Variants in LRRIQ1 observed in about 807,000 individuals in gnomAD.
LRRIQ1 encodes leucine rich repeats and IQ motif containing 1, also known as leucine-rich repeat- and IQ domain-containing protein 1.
In LRRIQ1, 210 loss-of-function variants were observed where a neutral mutation model predicts 211.9. The ratio of observed to expected loss-of-function variants is 0.99; its 90% CI spans 0.89 to 1.11. The LOEUF (loss-of-function observed/expected upper bound fraction) is 1.11, where lower values mean the gene tolerates loss of function less well. LRRIQ1 is among the 50% of genes most tolerant of loss of function. The pLI is 0.00. For synonymous variants in LRRIQ1, 699 were observed against 650.1 expected, an observed-to-expected ratio of 1.08 and a Z score of -1.14; for missense variants, 2,136 against 1,939.5, an observed-to-expected ratio of 1.10 and a Z score of -1.90.
chr12:85,082,370 TA>T (rs1319863304), intron 11 of LRRIQ1, among the ~76,000 whole-genome samples: 1 of 152,226 alleles, frequency 6.6e-6, no homozygotes, highest in Non-Finnish European at 1.5e-5. Context: ...TTGATGTGTC[TA>T]GGCAGGGATT....
chr12:85,109,680 C>T (rs1887030242), intron 15 of LRRIQ1, among the ~76,000 whole-genome samples: 1 of 152,134 alleles, frequency 6.6e-6, no homozygotes, highest in Non-Finnish European at 1.5e-5. Flanking sequence ...TCCAAGCCTA[C>T]TGAATCAGAA....
chr12:85,213,044 A>T (rs1222505131), intron 24 of LRRIQ1, among the ~76,000 whole-genome samples: 1 of 151,712 alleles, frequency 6.6e-6, no homozygotes, highest in Admixed American at 6.6e-5. Context: ...TAAATGATTA[A>T]ATAGCCCAGG....
At chr12:85,150,244 A>T (rs2136653968) in intron 19 of LRRIQ1, among the ~76,000 whole-genome samples, 1 of 151,898 alleles carries the variant, frequency 6.6e-6, no homozygotes, top group African/African-American at 2.4e-5. Context: ...ACATTTTCTC[A>T]TCAATTTAGC....
chr12:85,162,889 TG>T (rs1466510531), intron 24 of LRRIQ1: 1 of 417,862 alleles, frequency 2.4e-6, no homozygotes, highest in Non-Finnish European at 4.7e-6. Flanking sequence ...TGTTGTTGTT[TG>T]TTTAGGAATA....
At chr12:85,261,498 A>AT (rs1178123286) in intron 1 of LRRIQ1, among the ~76,000 whole-genome samples, 1 of 151,896 alleles carries the variant, frequency 6.6e-6, no homozygotes, top group Non-Finnish European at 1.5e-5. Flanking sequence ...TTGAATTTAT[A>AT]TTTTTTAAAT....
chr12:85,259,728 A>G (rs1411640749), intron 1 of LRRIQ1, among the ~76,000 whole-genome samples: 1 of 152,148 alleles, frequency 6.6e-6, no homozygotes, highest in African/African-American at 2.4e-5. Context: ...ACTGCTATAA[A>G]GCTGTCTTGT....
intron 8 of LRRIQ1, among the ~76,000 whole-genome samples, chr12:85,063,323 AT>A (rs1346631676): frequency 6.6e-6 from 1 of 151,690 alleles, no homozygotes; most frequent in Non-Finnish European, 1.5e-5. Context: ...TTTAAGATAG[AT>A]GAAAGACTTA....
At chr12:85,212,807 G>A (rs1340181939) in intron 24 of LRRIQ1, among the ~76,000 whole-genome samples, 2 of 150,012 alleles carry the variant, frequency 1.3e-5, no homozygotes, top group African/African-American at 4.9e-5. Flanking sequence ...GAGAAAGAGA[G>A]AGAGAAAGAG....
At position 85,106,527 on chromosome 12, in the gene LRRIQ1, A is replaced by C; in HGVS notation, c.3289A>C (p.Lys1097Gln). 6.2e-7 allele frequency: 1 copy of C among 1,602,690 alleles called. No homozygotes were observed. The highest frequency in any genetic ancestry group is 8.5e-7 in the Non-Finnish European group (1 of 1,171,688). The change falls in exon 15 of 27, where the codon AAA becomes CAA. Residue 1097 changes from lysine (K) to glutamine (Q), a missense_variant. Transcript: ENST00000393217. ...AATGATTTTATTTTCTGTAGATCTT[A>C]AAAGTGCCATAAAATGGTTTGATGC... ...DVSHNCLSDLKSAIKWFDACY... is the reference protein window; with the variant it reads ...DVSHNCLSDLQSAIKWFDACY...
intron 24 of LRRIQ1, among the ~76,000 whole-genome samples, chr12:85,194,785 A>C (rs990834279): frequency 6.6e-6 from 1 of 152,164 alleles, no homozygotes; most frequent in African/African-American, 2.4e-5. Context: ...GAGCAAACAC[A>C]TTCAAAAGCT....
intron 15 of LRRIQ1, among the ~76,000 whole-genome samples, chr12:85,111,420 C>G (rs1887165965): frequency 6.6e-6 from 1 of 152,058 alleles, no homozygotes; most frequent in Admixed American, 6.6e-5. Flanking sequence ...GTCATCACTT[C>G]ACTCATATTC....
At chr12:85,082,269 A>C (rs1884377878) in intron 11 of LRRIQ1, among the ~76,000 whole-genome samples, 1 of 152,164 alleles carries the variant, frequency 6.6e-6, no homozygotes, top group Non-Finnish European at 1.5e-5. Flanking sequence ...AATGCAGTTA[A>C]GAATGCTATC....
chr12:85,153,613 CTG>C (rs1408084640), intron 21 of LRRIQ1, 48 bp from the exon 22 acceptor site: 2 of 1,136,636 alleles, frequency 1.8e-6, no homozygotes, highest in South Asian at 1.5e-5. Flanking sequence ...TTAAAAAGTG[CTG>C]ATATACTTGT....
At chr12:85,192,986 T>TATATA (rs1277308184) in intron 24 of LRRIQ1, among the ~76,000 whole-genome samples, 1 of 71,448 alleles carries the variant, frequency 1.4e-5, no homozygotes, top group South Asian at 3.6e-4. Flanking sequence ...AATATATAAT[T>TATATA]ATATAATATA....
At chr12:85,239,387 G>T (rs994724185) in intron 26 of LRRIQ1, among the ~76,000 whole-genome samples, 1 of 95,598 alleles carries the variant, frequency 1.0e-5, no homozygotes, top group African/African-American at 4.3e-5. Context: ...ACACACACAC[G>T]TGTATATATA....
rs1246485929 is a variant in LRRIQ1, at chr12:85,072,978, TCTTA to T, written c.2772_2775del (p.Leu925ProfsTer40). 6.2e-7 allele frequency: 1 copy of T among 1,612,830 alleles called. No homozygotes were observed. Among genetic ancestry groups the T allele is most frequent in the African/African-American group, 1.3e-5 (1 of 74,824 alleles). On this transcript the variant is annotated frameshift_variant, in exon 11 of 27. Coordinates refer to ENST00000393217, the MANE Select transcript of LRRIQ1 (RefSeq NM_001079910.2). LOFTEE classifies it high-confidence loss of function. ...CTGCCATCACTTGGGCACCTCCACT[TCTTA>T]CTTATCCCTGGCACAAGTCTGGATT...
At chr12:85,146,045 G>T (rs1221121986) in intron 19 of LRRIQ1, among the ~76,000 whole-genome samples, 1 of 151,678 alleles carries the variant, frequency 6.6e-6, no homozygotes, top group Non-Finnish European at 1.5e-5. Flanking sequence ...ATGCAATTAA[G>T]GTTACTATCA....
chr12:85,108,433 T>G (rs1398516126), intron 15 of LRRIQ1, among the ~76,000 whole-genome samples: 2 of 152,186 alleles, frequency 1.3e-5, no homozygotes, highest in Non-Finnish European at 2.9e-5. Context: ...CGGTCTTCTA[T>G]GTATTCTTTT....
intron 1 of LRRIQ1, among the ~76,000 whole-genome samples, chr12:85,252,040 A>G (rs1895960606): frequency 6.6e-6 from 1 of 151,942 alleles, no homozygotes; most frequent in African/African-American, 2.4e-5. Context: ...CAATCAACTG[A>G]GAGGGGAAAA....
Sources: gnomAD v4.1 joint callset for allele counts (sites outside exome capture counted in the v4.1 genomes callset) on GRCh38, gnomAD v4.1.1 for gene constraint, MANE v1.5 for transcripts, NCBI Gene and HGNC (gene_info 2026-07-23, HGNC 2026-07-21) for gene names.